The following MEF2C variants were observed in gnomAD, a reference collection of about 807,000 sequenced individuals.
MEF2C encodes the protein myocyte-specific enhancer factor 2C.
A neutral mutation model predicts 50.5 loss-of-function variants in MEF2C; 6 were observed. The observed-to-expected ratio is 0.12, with a 90% confidence interval of 0.07 to 0.23. The LOEUF (loss-of-function observed/expected upper bound fraction) is 0.23. Ranked by LOEUF, MEF2C falls within the 10% of genes least tolerant of loss-of-function variation. MEF2C has a pLI of 1.00. For missense variants in MEF2C, 276 were observed against 605.0 expected (o/e 0.46, Z 5.70); for synonymous variants, 183 against 228.0 (o/e 0.80, Z 1.78).
rs1353917673 is a variant in MEF2C, at chr5:88,717,985, A to G, written c.*4619T>C. The G allele has an allele frequency of 1.3e-5, 2 of 152,200 alleles. No homozygotes were observed. The highest frequency in any genetic ancestry group is 4.8e-5 in the African/African-American group (2 of 41,452). The allele number at this position is 152,200 out of a possible 1,614,324, so 9.4% of individuals were successfully genotyped here. A position where few individuals can be genotyped will look rare whatever the true frequency, so the allele number is the denominator to read the frequency against. On this transcript the variant is annotated 3_prime_UTR_variant, in exon 11 of 11. Transcript: ENST00000504921. ...AGATCTTCATGGAACTTCTTTGATA[A>G]AGAAGTTGAACCATTCAATAAGAAC...
At chr5:88,757,945 T>A (rs1384664985) in intron 4 of MEF2C, among the ~76,000 whole-genome samples, 7 of 151,732 alleles carry the variant, frequency 4.6e-5, no homozygotes, top group African/African-American at 9.7e-5. Flanking sequence ...TAAAATAAAA[T>A]AGAGGTCATT....
chr5:88,731,994 A>G, intron 6 of MEF2C, 93 bp from the exon 7 acceptor site: 1 of 1,187,412 alleles, frequency 8.4e-7, no homozygotes, highest in Non-Finnish European at 1.2e-6. Context: ...ACAAAAGCTT[A>G]ATGGTAAGAC....
At chr5:88,840,243 A>G (rs765628900) in intron 1 of MEF2C, among the ~76,000 whole-genome samples, 4 of 152,210 alleles carry the variant, frequency 2.6e-5, no homozygotes, top group Non-Finnish European at 4.4e-5. Context: ...AATCCCTCAC[A>G]GAATACTTTA....
At chr5:88,867,110 T>C (rs1827650899) in intron 1 of MEF2C, among the ~76,000 whole-genome samples, 2 of 152,220 alleles carry the variant, frequency 1.3e-5, no homozygotes, top group South Asian at 4.1e-4. Flanking sequence ...AAGCAGTTGA[T>C]AATATATGTT....
intron 2 of MEF2C, chr5:88,817,860 T>A (rs1273534780): frequency 6.6e-6 from 1 of 151,956 alleles, no homozygotes; most frequent in African/African-American, 2.4e-5. Context: ...AACATACAAG[T>A]AAATAGGTTT....
intron 6 of MEF2C, chr5:88,742,060 G>T: frequency 1.1e-5 from 11 of 985,296 alleles, no homozygotes; most frequent in Non-Finnish European, 1.3e-5. Flanking sequence ...TTAAGTGATT[G>T]GCAAAGGTTT....
At chr5:88,837,713 T>C (rs1270650468) in intron 1 of MEF2C, among the ~76,000 whole-genome samples, 3 of 152,178 alleles carry the variant, frequency 2.0e-5, no homozygotes, top group Non-Finnish European at 4.4e-5. Flanking sequence ...AATTGACAAG[T>C]TATTGTTTGG....
Position 88,741,974 on chromosome 5 carries a change from T to C in MEF2C, c.637+7096A>G, listed in dbSNP as rs555889027. ...AACATAGCTAATGATCTTTCAAATATGATACTGTATCATGACTAAATATTC... is the reference window on the plus strand; with the variant it reads ...AACATAGCTAATGATCTTTCAAATACGATACTGTATCATGACTAAATATTC... On this transcript the variant is annotated intron_variant, in intron 6 of 10. Coordinates refer to ENST00000504921, the MANE Select transcript of MEF2C (RefSeq NM_002397.5). 21 of 985,034 alleles carry C rather than the reference T, an allele frequency of 2.1e-5. No homozygotes were observed. In the South Asian group the frequency reaches 8.0e-4, roughly 37 times the overall value. 61.0% of individuals were successfully genotyped at this position (985,034 alleles called of 1,614,324 possible).
chr5:88,794,076 G>A (rs534529650), intron 3 of MEF2C, among the ~76,000 whole-genome samples: 1 of 152,254 alleles, frequency 6.6e-6, no homozygotes, highest in Non-Finnish European at 1.5e-5. Flanking sequence ...CCAAGTCTTT[G>A]CTATTGTGAA....
intron 4 of MEF2C, among the ~76,000 whole-genome samples, chr5:88,760,420 A>C (rs941547926): frequency 6.6e-6 from 1 of 152,264 alleles, no homozygotes; most frequent in African/African-American, 2.4e-5. Context: ...ACATGTTGAA[A>C]TCTTACCATT....
intron 3 of MEF2C, chr5:88,770,037 T>C: frequency 2.0e-6 from 2 of 980,482 alleles, no homozygotes; most frequent in Non-Finnish European, 2.4e-6. Context: ...TGGGCAATGT[T>C]AGTGATTTCT....
At chr5:88,814,110 T>C (rs1804173646) in intron 2 of MEF2C, among the ~76,000 whole-genome samples, 1 of 151,918 alleles carries the variant, frequency 6.6e-6, no homozygotes, top group Non-Finnish European at 1.5e-5. Context: ...GAGTCAAGAG[T>C]CTGCAACGAC....
At chr5:88,814,236 T>TTG (rs1804243267) in intron 2 of MEF2C, among the ~76,000 whole-genome samples, 1 of 152,010 alleles carries the variant, frequency 6.6e-6, no homozygotes, top group Admixed American at 6.6e-5. Flanking sequence ...CAGTTTTATT[T>TTG]TGTTTAATTC....
At chr5:88,875,036 A>AT (rs1314449698) in intron 1 of MEF2C, among the ~76,000 whole-genome samples, 2 of 151,908 alleles carry the variant, frequency 1.3e-5, no homozygotes, top group Admixed American at 6.6e-5. Context: ...TTTTAATAGG[A>AT]TTTTTTAAAA....
At chr5:88,798,743 C>T (rs925978072) in intron 3 of MEF2C, among the ~76,000 whole-genome samples, 1 of 152,102 alleles carries the variant, frequency 6.6e-6, no homozygotes, top group African/African-American at 2.4e-5. Context: ...GAATTTTCAG[C>T]CTTTTTGCAC....
intron 1 of MEF2C, among the ~76,000 whole-genome samples, chr5:88,863,665 T>C (rs184481623): frequency 2.3e-4 from 35 of 152,334 alleles, no homozygotes; most frequent in Non-Finnish European, 4.4e-4. Context: ...CCTCCATTTC[T>C]GGAAACTGCC....
At chr5:88,806,379 T>C (rs1007938587) in intron 2 of MEF2C, among the ~76,000 whole-genome samples, 1 of 152,166 alleles carries the variant, frequency 6.6e-6, no homozygotes, top group African/African-American at 2.4e-5. Context: ...TGTCTAAACA[T>C]CCTGGATTCT....
chr5:88,902,374 AAC>A (rs1183752339), intron 1 of MEF2C, among the ~76,000 whole-genome samples: 1 of 151,942 alleles, frequency 6.6e-6, no homozygotes, highest in Non-Finnish European at 1.5e-5. Flanking sequence ...ATATATATGT[AAC>A]AATTTATAAT....
intron 3 of MEF2C, among the ~76,000 whole-genome samples, chr5:88,800,768 A>G (rs1197592573): frequency 6.6e-6 from 1 of 152,174 alleles, no homozygotes; most frequent in East Asian, 1.9e-4. Context: ...AGTTAAGTAA[A>G]ATGGACTTCC....
Sources: allele counts gnomAD v4.1 joint callset (sites outside exome capture counted in the v4.1 genomes callset), GRCh38; gene constraint gnomAD v4.1.1; transcripts MANE v1.5; gene names NCBI Gene and HGNC (gene_info 2026-07-23, HGNC 2026-07-21).